Variants in SDK1 observed in about 807,000 individuals in gnomAD.
The protein encoded by SDK1 is protein sidekick-1.
SDK1 carries 157 observed loss-of-function variants against 245.5 expected under a neutral mutation model. The observed-to-expected ratio is 0.64, with a 90% CI of 0.56 to 0.73. The LOEUF (loss-of-function observed/expected upper bound fraction) is 0.73, where lower values mean the gene tolerates loss of function less well. SDK1 is among the 30% of genes least tolerant of loss of function. SDK1 has a pLI of 0.00. For synonymous variants in SDK1, 1,647 were observed against 1,278.5 expected (o/e 1.29, Z -6.15); for missense variants, 3,583 against 3,002.3 (o/e 1.19, Z -4.52).
At chr7:3,834,464 C>T (rs371001296) in intron 5 of SDK1, among the ~76,000 whole-genome samples, 5 of 152,272 alleles carry the variant, frequency 3.3e-5, no homozygotes, top group East Asian at 3.9e-4. Context: ...ATTCTGCTTC[C>T]GATGCTGGAA....
intron 1 of SDK1, among the ~76,000 whole-genome samples, chr7:3,589,567 C>G (rs1468314746): frequency 1.3e-5 from 2 of 152,210 alleles, no homozygotes; most frequent in Admixed American, 1.3e-4. Flanking sequence ...TTAATGGACT[C>G]ATAGTTCCAC....
At chr7:3,575,368 T>C (rs766634097) in intron 1 of SDK1, among the ~76,000 whole-genome samples, 1 of 152,016 alleles carries the variant, frequency 6.6e-6, no homozygotes, top group Non-Finnish European at 1.5e-5. Flanking sequence ...ACCCTTATTA[T>C]AATGCCTCCC....
chr7:4,007,163 G>A (rs182584516), intron 14 of SDK1, among the ~76,000 whole-genome samples: 7 of 152,336 alleles, frequency 4.6e-5, no homozygotes, highest in East Asian at 3.9e-4. Flanking sequence ...AAAAGATGGC[G>A]TTCCTGAATG....
At chr7:4,027,810 C>T (rs1358215983) in intron 17 of SDK1, among the ~76,000 whole-genome samples, 2 of 152,072 alleles carry the variant, frequency 1.3e-5, no homozygotes, top group African/African-American at 2.4e-5. Context: ...TGGACGTAGT[C>T]ACAGACTCTG....
intron 19 of SDK1, among the ~76,000 whole-genome samples, chr7:4,063,597 C>CAAAAAAA (rs35423286): frequency 1.6e-5 from 2 of 125,172 alleles, no homozygotes; most frequent in African/African-American, 2.9e-5. Flanking sequence ...ACAGAAATAG[C>CAAAAAAA]AAAAAAAAAA....
At position 4,185,583 on chromosome 7, in the gene SDK1, A is replaced by G. The variant is rs188954120; in HGVS notation, c.5098+6997A>G. ...GGACAGACAGTCCTCCCTCCCATGC[A>G]GCCCTGCATCCACGCGAGCCCTTGG... On this transcript the variant is annotated intron_variant, in intron 35 of 44. Coordinates refer to ENST00000404826, the MANE Select transcript of SDK1 (RefSeq NM_152744.4). Among the ~76,000 whole-genome samples the G allele has an allele frequency of 1.1e-4, 17 of 152,224 alleles. 1 individual carries two copies. The highest frequency in any genetic ancestry group is 2.0e-4 in the Admixed American group (3 of 15,294).
rs570360978 is a variant in SDK1, at chr7:3,998,476, TAAC to T, written c.2131+11157_2131+11159del. 4.7e-4 allele frequency among the ~76,000 whole-genome samples: 72 copies of T among 152,346 alleles called. 1 individual carries two copies. In the East Asian group the frequency reaches 0.013, roughly 28 times the overall value. On this transcript the variant is annotated intron_variant, in intron 14 of 44. Coordinates refer to ENST00000404826, the MANE Select transcript of SDK1 (RefSeq NM_152744.4). ...ATTTCTAAGCAAATTATTCTTAAAA[TAAC>T]AAAATATTACATTTAGAAATACCCC...
intron 1 of SDK1, among the ~76,000 whole-genome samples, chr7:3,481,341 A>G (rs1322688781): frequency 7.9e-5 from 12 of 152,238 alleles, no homozygotes; most frequent in Admixed American, 3.3e-4. Flanking sequence ...TAGTGACTGC[A>G]TATCATCCTG....
intron 1 of SDK1, among the ~76,000 whole-genome samples, chr7:3,430,254 GCA>G: frequency 6.6e-6 from 1 of 152,314 alleles, no homozygotes; most frequent in Middle Eastern, 3.4e-3. Context: ...CACTCCAGGT[GCA>G]GTTTCTCTGA....
chr7:3,850,446 C>T (rs997783152), intron 5 of SDK1, among the ~76,000 whole-genome samples: 7 of 152,172 alleles, frequency 4.6e-5, no homozygotes, highest in African/African-American at 9.7e-5. Context: ...GAAGACAATG[C>T]GGCGATCCCT....
intron 44 of SDK1, among the ~76,000 whole-genome samples, chr7:4,263,761 G>A (rs5026810): frequency 7.6e-3 from 12 of 1,572 alleles, no homozygotes; most frequent in Non-Finnish European, 6.2e-3. Flanking sequence ...TGGGGAGGCC[G>A]CGTAGACCTC....
intron 4 of SDK1, among the ~76,000 whole-genome samples, chr7:3,676,201 T>G (rs907526586): frequency 1.3e-5 from 2 of 151,900 alleles, no homozygotes; most frequent in Non-Finnish European, 2.9e-5. Flanking sequence ...TATTTTTTTG[T>G]GGAGACGGGG....
intron 44 of SDK1, among the ~76,000 whole-genome samples, chr7:4,262,632 G>A (rs1462066391): frequency 9.7e-5 from 14 of 144,254 alleles, no homozygotes; most frequent in East Asian, 2.1e-4. Flanking sequence ...CCCCACCCTC[G>A]GAGGTCTCTG....
intron 4 of SDK1, among the ~76,000 whole-genome samples, chr7:3,711,153 A>C (rs187559052): frequency 3.7e-4 from 57 of 152,366 alleles, no homozygotes; most frequent in African/African-American, 1.3e-3. Flanking sequence ...CTTTAATCAC[A>C]GGAAACAGTA....
intron 13 of SDK1, among the ~76,000 whole-genome samples, chr7:3,981,152 AAT>A (rs1178723553): frequency 6.6e-6 from 1 of 152,116 alleles, no homozygotes; most frequent in African/African-American, 2.4e-5. Flanking sequence ...GAATTCTCAC[AAT>A]GTTTCAAACT....
chr7:3,907,511 G>T (rs1778993138), intron 5 of SDK1, among the ~76,000 whole-genome samples: 1 of 152,102 alleles, frequency 6.6e-6, no homozygotes, highest in Admixed American at 6.5e-5. Flanking sequence ...GTATCCACTT[G>T]CCCGTTCATG....
chr7:3,611,181 A>G (rs1480423676), intron 1 of SDK1, among the ~76,000 whole-genome samples: 2 of 152,292 alleles, frequency 1.3e-5, no homozygotes, highest in African/African-American at 2.4e-5. Context: ...ATGATGGTAC[A>G]TCTAAGTATA....
intron 1 of SDK1, among the ~76,000 whole-genome samples, chr7:3,403,943 T>C (rs1778981906): frequency 6.8e-6 from 1 of 146,782 alleles, no homozygotes; most frequent in Admixed American, 7.0e-5. Context: ...ATATTGCAGG[T>C]TAGGGTCCAG....
At position 4,183,412 on chromosome 7, in the gene SDK1, G is replaced by C. The variant is rs1238376885; in HGVS notation, c.5098+4826G>C. Among the ~76,000 whole-genome samples the C allele has an allele frequency of 2.6e-5, 4 of 152,074 alleles. No individual in the cohort carries two copies. In the East Asian group the frequency reaches 7.8e-4, roughly 30 times the overall value. ...GCACTTTGGGAGGCTGAGGTGGGTG[G>C]ATCGCGAAGTCAGGAGTTCAAGACC... On this transcript the variant is annotated intron_variant, in intron 35 of 44. Transcript: ENST00000404826.
Sources: gnomAD v4.1 joint callset for allele counts (sites outside exome capture counted in the v4.1 genomes callset) on GRCh38, gnomAD v4.1.1 for gene constraint, MANE v1.5 for transcripts, NCBI Gene and HGNC (gene_info 2026-07-23, HGNC 2026-07-21) for gene names.